Variants in GALNTL6 observed in about 807,000 individuals in gnomAD.
The protein encoded by GALNTL6 is polypeptide N-acetylgalactosaminyltransferase like 6.
A neutral mutation model predicts 73.7 loss-of-function variants in GALNTL6; 46 were observed. The ratio of observed to expected loss-of-function variants is 0.62; its 90% confidence interval spans 0.49 to 0.80. The LOEUF is 0.80. Among genes scored for constraint, GALNTL6 ranks in the 30% least tolerant of loss-of-function variants. GALNTL6 has a pLI of 0.00. For synonymous variants in GALNTL6, 259 were observed against 263.7 expected (o/e 0.98, Z 0.17); for missense variants, 604 against 755.0 (o/e 0.80, Z 2.34).
Position 172,442,543 on chromosome 4 carries a change from T to TA in GALNTL6, c.553+93861dup, listed in dbSNP as rs555086024. Among the ~76,000 whole-genome samples the TA allele has an allele frequency of 4.2e-3, 638 of 152,230 alleles. 5 individuals carry two copies. The highest frequency in any genetic ancestry group is 0.014 in the African/African-American group (570 of 41,554). On this transcript the variant is annotated intron_variant, in intron 5 of 12. Transcript: ENST00000506823. ...TTACTTTTGTAATTCCTTACTCTTATAAAAAAAGGATTTCTTAGTCTTGTA... is the reference window on the plus strand; with the variant it reads ...TTACTTTTGTAATTCCTTACTCTTATAAAAAAAAGGATTTCTTAGTCTTGTA...
chr4:172,922,009 G>A (rs1747818883), intron 8 of GALNTL6, among the ~76,000 whole-genome samples: 1 of 152,154 alleles, frequency 6.6e-6, no homozygotes, highest in Admixed American at 6.5e-5. Context: ...CTCATATGTT[G>A]TGGGAGGGAC....
intron 3 of GALNTL6, among the ~76,000 whole-genome samples, chr4:172,247,437 A>G (rs960187962): frequency 1.3e-5 from 2 of 152,174 alleles, no homozygotes; most frequent in Admixed American, 6.5e-5. Flanking sequence ...CAACTGATAC[A>G]AAGCTTGCAG....
chr4:172,682,156 G>C (rs1261203485), intron 5 of GALNTL6, among the ~76,000 whole-genome samples: 1 of 152,104 alleles, frequency 6.6e-6, no homozygotes, highest in Non-Finnish European at 1.5e-5. Flanking sequence ...AATAGATAAT[G>C]ATCTGGACAG....
At chr4:171,991,196 A>T (rs1302906404) in intron 2 of GALNTL6, among the ~76,000 whole-genome samples, 1 of 152,208 alleles carries the variant, frequency 6.6e-6, no homozygotes, top group African/African-American at 2.4e-5. Flanking sequence ...GGATAGTCAT[A>T]GACCTTTAAG....
chr4:172,502,355 C>T (rs1734290154), intron 5 of GALNTL6, among the ~76,000 whole-genome samples: 1 of 152,170 alleles, frequency 6.6e-6, no homozygotes. Flanking sequence ...TCTGACAGTT[C>T]TCATGAACTA....
At chr4:172,549,638 T>A (rs1293327780) in intron 5 of GALNTL6, among the ~76,000 whole-genome samples, 1 of 152,182 alleles carries the variant, frequency 6.6e-6, no homozygotes, top group Non-Finnish European at 1.5e-5. Flanking sequence ...TTATTTTCTT[T>A]GTGTCTTCAT....
intron 2 of GALNTL6, among the ~76,000 whole-genome samples, chr4:172,048,253 T>C (rs1742273602): frequency 6.6e-6 from 1 of 152,124 alleles, no homozygotes; most frequent in Non-Finnish European, 1.5e-5. Flanking sequence ...ACTATGCTAA[T>C]GTTTCAGTGC....
chr4:172,303,173 T>C (rs1488834596), intron 3 of GALNTL6, among the ~76,000 whole-genome samples: 1 of 152,016 alleles, frequency 6.6e-6, no homozygotes, highest in African/African-American at 2.4e-5. Flanking sequence ...CTAATTTTTG[T>C]AGTTTTAGTA....
At chr4:172,918,577 T>C (rs535592511) in intron 8 of GALNTL6, among the ~76,000 whole-genome samples, 1 of 152,110 alleles carries the variant, frequency 6.6e-6, no homozygotes, top group African/African-American at 2.4e-5. Flanking sequence ...TGTTATCATA[T>C]GCCCTGACTC....
chr4:172,058,200 A>T (rs897240007), intron 2 of GALNTL6, among the ~76,000 whole-genome samples: 1 of 151,234 alleles, frequency 6.6e-6, no homozygotes, highest in Non-Finnish European at 1.5e-5. Context: ...GGCTCAAGTG[A>T]TCTTCCTGTC....
intron 2 of GALNTL6, among the ~76,000 whole-genome samples, chr4:172,203,616 A>AT (rs1251540429): frequency 6.6e-6 from 1 of 151,954 alleles, no homozygotes; most frequent in African/African-American, 2.4e-5. Context: ...ATATTACATC[A>AT]TTTTCCCAAG....
At chr4:172,333,208 C>G (rs1040314963) in intron 4 of GALNTL6, among the ~76,000 whole-genome samples, 5 of 152,058 alleles carry the variant, frequency 3.3e-5, no homozygotes, top group African/African-American at 1.2e-4. Flanking sequence ...GAGTTCGAGA[C>G]CAGCCTGACC....
At chr4:172,489,540 C>T (rs10434403) in intron 5 of GALNTL6, among the ~76,000 whole-genome samples, 95,903 of 152,114 alleles carry the variant, frequency 0.63, 31,182 homozygotes, top group South Asian at 0.82. Flanking sequence ...TGTGTTTATA[C>T]GCACAGAGCA....
chr4:172,191,747 T>G (rs1735595684), intron 2 of GALNTL6, among the ~76,000 whole-genome samples: 1 of 152,190 alleles, frequency 6.6e-6, no homozygotes, highest in Non-Finnish European at 1.5e-5. Context: ...TAGATTTCAT[T>G]CCCACTTCTG....
At chr4:171,845,567 AG>A (rs1735347007) in intron 2 of GALNTL6, among the ~76,000 whole-genome samples, 1 of 152,146 alleles carries the variant, frequency 6.6e-6, no homozygotes, top group Admixed American at 6.6e-5. Flanking sequence ...CGTGAGCATA[AG>A]TCATATATCT....
intron 2 of GALNTL6, among the ~76,000 whole-genome samples, chr4:171,833,657 T>C (rs1265785538): frequency 6.6e-6 from 1 of 151,862 alleles, no homozygotes; most frequent in East Asian, 1.9e-4. Context: ...CTTAGCGTAT[T>C]GTCTAAATCA....
intron 10 of GALNTL6, among the ~76,000 whole-genome samples, chr4:173,000,812 C>G (rs759718112): frequency 6.6e-6 from 1 of 152,092 alleles, no homozygotes; most frequent in African/African-American, 2.4e-5. Context: ...AAGGAATGGA[C>G]AGTCTGTTCA....
At chr4:172,294,759 A>G (rs1234861870) in intron 3 of GALNTL6, among the ~76,000 whole-genome samples, 1 of 152,212 alleles carries the variant, frequency 6.6e-6, no homozygotes, top group Non-Finnish European at 1.5e-5. Context: ...TAAAATGTTA[A>G]CGTGTAATAT....
At chr4:172,475,857 G>A (rs1047831106) in intron 5 of GALNTL6, among the ~76,000 whole-genome samples, 5 of 152,166 alleles carry the variant, frequency 3.3e-5, no homozygotes, top group Non-Finnish European at 7.3e-5. Context: ...TAAGGCCTCT[G>A]AATAATGTGT....
Sources: allele counts gnomAD v4.1 joint callset (sites outside exome capture counted in the v4.1 genomes callset), GRCh38; gene constraint gnomAD v4.1.1; transcripts MANE v1.5; gene names NCBI Gene and HGNC (gene_info 2026-07-23, HGNC 2026-07-21).